The following CFAP206 variants were observed in gnomAD, a reference collection of about 807,000 sequenced individuals.
CFAP206 encodes cilia- and flagella-associated protein 206.
CFAP206 carries 53 observed loss-of-function variants against 65.4 expected under a neutral mutation model. The ratio of observed to expected loss-of-function variants is 0.81; its 90% CI spans 0.65 to 1.02. The LOEUF (loss-of-function observed/expected upper bound fraction) is 1.02. Among genes scored for constraint, CFAP206 ranks in the 50% least tolerant of loss-of-function variants. The pLI is 0.00. For missense variants in CFAP206, 663 were observed against 753.2 expected, an observed-to-expected ratio of 0.88 and a Z score of 1.40; for synonymous variants, 250 against 254.4, an observed-to-expected ratio of 0.98 and a Z score of 0.17.
chr6:87,442,910 A>G (rs1168063342), intron 11 of CFAP206, among the ~76,000 whole-genome samples: 1 of 152,100 alleles, frequency 6.6e-6, no homozygotes, highest in Non-Finnish European at 1.5e-5. Context: ...TTACATTTAT[A>G]TTCCTCAGTG....
chr6:87,449,436 CAAA>C (rs34540279), intron 11 of CFAP206, among the ~76,000 whole-genome samples: 7 of 53,028 alleles, frequency 1.3e-4, no homozygotes, highest in Admixed American at 2.2e-4. Context: ...GACTCCATCT[CAAA>C]AAAAAAAAAA....
At chr6:87,446,485 T>A (rs1052172638) in intron 11 of CFAP206, among the ~76,000 whole-genome samples, 4 of 152,232 alleles carry the variant, frequency 2.6e-5, no homozygotes, top group African/African-American at 7.2e-5. Context: ...CCCCATTGGT[T>A]GTCAAAGATC....
chr6:87,432,917 T>G (rs984116741), intron 10 of CFAP206, among the ~76,000 whole-genome samples: 1 of 152,222 alleles, frequency 6.6e-6, no homozygotes, highest in Non-Finnish European at 1.5e-5. Flanking sequence ...CTTCCCTTCT[T>G]CCATTCAGGA....
chr6:87,457,846 T>C (rs888029677), intron 11 of CFAP206, among the ~76,000 whole-genome samples: 1 of 152,144 alleles, frequency 6.6e-6, no homozygotes, highest in African/African-American at 2.4e-5. Context: ...GTTAAAAAGC[T>C]TCTGCACAGC....
intron 11 of CFAP206, among the ~76,000 whole-genome samples, chr6:87,436,993 C>A (rs980014688): frequency 6.6e-6 from 1 of 151,836 alleles, no homozygotes; most frequent in African/African-American, 2.4e-5. Flanking sequence ...TTTTCTGAGA[C>A]GGAGTCTTGC....
chr6:87,440,604 T>C (rs1252912616), intron 11 of CFAP206, among the ~76,000 whole-genome samples: 1 of 152,168 alleles, frequency 6.6e-6, no homozygotes, highest in Non-Finnish European at 1.5e-5. Context: ...ATTGCAATCA[T>C]TTTCTTAAGA....
intron 4 of CFAP206, among the ~76,000 whole-genome samples, chr6:87,415,386 T>G (rs1767807805): frequency 6.6e-6 from 1 of 151,034 alleles, no homozygotes; most frequent in East Asian, 1.9e-4. Flanking sequence ...GTCTTCTTTA[T>G]TTTCTGCTTA....
At position 87,463,037 on chromosome 6, in the gene CFAP206, G is replaced by T. The variant is rs6936320; in HGVS notation, c.1639-983G>T. On this transcript the variant is annotated intron_variant, in intron 12 of 12. Coordinates refer to ENST00000369562, the MANE Select transcript of CFAP206 (RefSeq NM_001031743.3). ...TTCCAATGACTGAGGTGGACTGGGGGTAGGATGGAGGTTTGAATCGGATTG... is the reference window on the plus strand; with the variant it reads ...TTCCAATGACTGAGGTGGACTGGGGTTAGGATGGAGGTTTGAATCGGATTG... Among the ~76,000 whole-genome samples the T allele has an allele frequency of 7.3e-3, 1,117 of 152,316 alleles. 21 individuals carry two copies. The highest frequency in any genetic ancestry group is 0.026 in the African/African-American group (1,064 of 41,568).
rs1192341037 is a variant in CFAP206, at chr6:87,464,088, T to A, written c.1707T>A (p.Cys569Ter). 13 of 1,614,168 alleles carry A rather than the reference T, an allele frequency of 8.1e-6. No homozygotes were observed. Among genetic ancestry groups the A allele is most frequent in the Non-Finnish European group, 1.1e-5 (13 of 1,180,010 alleles). ...TTAGTCACTTGAGAAGAGAAAATTG[T>A]TCCCAAGTGTACCCTCCAAAGGACA... ...TDLSHLRREN[C>*]SQVYPPKDTS... is the part of the protein sequence containing the mutation. Residue 569 changes from cysteine to a stop codon, truncating the protein, a stop_gained, in exon 13 of 13, where the codon TGT (cysteine) becomes TGA (stop). Transcript: ENST00000369562. LOFTEE classifies it low-confidence loss of function (END_TRUNC).
rs1582131816 is a variant in CFAP206 at position 87,413,850 on chromosome 6, T to C, written c.233T>C (p.Leu78Pro). 1 of 1,569,038 alleles carries C rather than the reference T, an allele frequency of 6.4e-7. No homozygotes were observed. Among genetic ancestry groups the C allele is most frequent in the Non-Finnish European group, 8.6e-7 (1 of 1,164,338 alleles). Residue 78 changes from leucine (L) to proline (P), a missense_variant, in exon 4 of 13, where the codon CTG (leucine) becomes CCG (proline). Coordinates refer to ENST00000369562, the MANE Select transcript of CFAP206 (RefSeq NM_001031743.3). ...CTATTGGATACTAAAAATCCATCCC[T>C]GGACACTATTAAGATGCAAGTCTAC... is the stretch of plus-strand genomic sequence containing the variant. The part of the protein sequence containing the change: ...TRLLDTKNPS[L>P]DTIKMQVYFD...
At chr6:87,418,945 C>A (rs1261724443) in intron 7 of CFAP206, among the ~76,000 whole-genome samples, 1 of 152,038 alleles carries the variant, frequency 6.6e-6, no homozygotes, top group Non-Finnish European at 1.5e-5. Flanking sequence ...AACCCCATCT[C>A]TACAAAAAGT....
At chr6:87,436,578 G>C (rs546474314) in intron 11 of CFAP206, 11 of 153,034 alleles carry the variant, frequency 7.2e-5, no homozygotes, top group African/African-American at 2.2e-4. Flanking sequence ...TGAGGAGGGT[G>C]GGGGGAAGTA....
At chr6:87,436,043 A>G (rs1768261714) in intron 11 of CFAP206, 1 of 150,600 alleles carries the variant, frequency 6.6e-6, no homozygotes, top group African/African-American at 2.4e-5. Context: ...CACTAAAATG[A>G]AAACATTTTG....
intron 4 of CFAP206, among the ~76,000 whole-genome samples, chr6:87,414,130 C>T (rs1448820483): frequency 6.6e-6 from 1 of 152,080 alleles, no homozygotes; most frequent in Non-Finnish European, 1.5e-5. Context: ...TTATTGTTTC[C>T]AGTGGCACTA....
intron 8 of CFAP206, among the ~76,000 whole-genome samples, chr6:87,427,043 T>C (rs924057745): frequency 1.3e-5 from 2 of 152,218 alleles, no homozygotes; most frequent in Admixed American, 6.5e-5. Context: ...GCACTTACAT[T>C]GAGTTTCTGA....
At position 87,416,422 on chromosome 6, in the gene CFAP206, GC is replaced by G. The variant is rs111806367; in HGVS notation, c.473-245del. Among the ~76,000 whole-genome samples the G allele has an allele frequency of 7.4e-3, 1,119 of 152,172 alleles. 21 individuals carry two copies. The highest frequency in any genetic ancestry group is 0.026 in the African/African-American group (1,063 of 41,502). On this transcript the variant is annotated intron_variant, in intron 5 of 12. Transcript: ENST00000369562. Reference sequence around the variant, plus strand: ...TAGAAAGCTTGTTTTCATGCCCATTGCCAAAAAGTTACTGCTGGATGCTTAA... The same window carrying G: ...TAGAAAGCTTGTTTTCATGCCCATTGCAAAAAGTTACTGCTGGATGCTTAA...
intron 11 of CFAP206, among the ~76,000 whole-genome samples, chr6:87,455,940 T>G (rs1768633413): frequency 6.6e-6 from 1 of 152,146 alleles, no homozygotes; most frequent in African/African-American, 2.4e-5. Flanking sequence ...TAAAGAAGGA[T>G]GAATATCAGT....
chr6:87,459,727 T>C (rs1414154501), intron 11 of CFAP206, among the ~76,000 whole-genome samples: 1 of 152,214 alleles, frequency 6.6e-6, no homozygotes, highest in African/African-American at 2.4e-5. Flanking sequence ...GGTCTTGCTA[T>C]CACTCACTTA....
chr6:87,448,516 G>C (rs1423707588), intron 11 of CFAP206, among the ~76,000 whole-genome samples: 1 of 152,092 alleles, frequency 6.6e-6, no homozygotes, highest in Non-Finnish European at 1.5e-5. Flanking sequence ...GGAACATTCA[G>C]AATCCTCTCC....
Sources: gnomAD v4.1 joint callset for allele counts (sites outside exome capture counted in the v4.1 genomes callset) on GRCh38, gnomAD v4.1.1 for gene constraint, MANE v1.5 for transcripts, NCBI Gene and HGNC (gene_info 2026-07-23, HGNC 2026-07-21) for gene names.